The following MC3R variants were observed in gnomAD, a reference collection of about 807,000 sequenced individuals.
The protein encoded by MC3R is melanocortin receptor 3.
MC3R carries 12 observed loss-of-function variants against 14.0 expected under a neutral mutation model. The observed-to-expected ratio is 0.86, with a 90% CI of 0.55 to 1.39. The LOEUF (loss-of-function observed/expected upper bound fraction) is 1.39. Ranked by LOEUF, MC3R falls within the 40% of genes most tolerant of loss-of-function variation. The probability of loss-of-function intolerance (pLI) is 0.00; values close to 1 mark genes in which losing one functional copy is unlikely to be tolerated. For missense variants in MC3R, 432 were observed against 433.6 expected (o/e 1.00, Z 0.03); for synonymous variants, 174 against 180.5 (o/e 0.96, Z 0.29).
Position 56,249,566 on chromosome 20 carries a change from A to G in MC3R, c.723A>G (p.Ala241=). The G allele has an allele frequency of 6.2e-7, 1 of 1,613,556 alleles. No individual in the cohort carries two copies. Among genetic ancestry groups the G allele is most frequent in the Non-Finnish European group, 8.5e-7 (1 of 1,179,484 alleles). ...APQQHSCMKG[A]VTITILLGVF... ...AGCAACACTCATGCATGAAGGGGGC[A>G]GTCACCATCACCATTCTCCTGGGCG... Residue 241 remains alanine (A), a synonymous_variant, in exon 1 of 1, where the codon GCA becomes GCG. Transcript: ENST00000243911.
Position 56,248,864 on chromosome 20 carries a change from G to T in MC3R, c.21G>T (p.Leu7=). ...CAGCAATGAATGCTTCGTGCTGCCT[G>T]CCCTCTGTTCAGCCAACACTGCCTA... MNASCC[L]PSVQPTLPNG... The change falls in exon 1 of 1, where the codon CTG becomes CTT. Residue 7 remains leucine (L), a synonymous_variant. Transcript: ENST00000243911. The T allele has an allele frequency of 6.2e-7, 1 of 1,614,122 alleles. No individual in the cohort carries two copies.
In MC3R at chr20:56,249,043, G is replaced by A. The variant is rs1199084897; in HGVS notation, c.200G>A (p.Gly67Asp). Residue 67 changes from glycine to aspartate, a missense_variant, in exon 1 of 1, where the codon GGC becomes GAC. Gly to Asp is a moderately conservative substitution (Grantham distance 94, BLOSUM62 -1). Transcript: ENST00000243911. ...GTTATCCTGGCCGTGGTCAGGAACG[G>A]CAACCTGCACTCCCCGATGTACTTC... ...ILVILAVVRN[G>D]NLHSPMYFFL... 1.6e-5 allele frequency: 26 copies of A among 1,614,050 alleles called. No homozygotes were observed. The highest frequency in any genetic ancestry group is 2.2e-5 in the Non-Finnish European group (26 of 1,180,024).
chr20:56,248,915 T>C lies in MC3R; in HGVS notation c.72T>C (p.Pro24=), dbSNP rs926053119. The change falls in exon 1 of 1, where the codon CCT becomes CCC. Residue 24 remains proline (P), a synonymous_variant. Coordinates refer to ENST00000243911, the MANE Select transcript of MC3R (RefSeq NM_019888.3). ...ATGGCTCGGAGCACCTCCAAGCCCCTTTCTTCAGCAACCAGAGCAGCAGCG... is the reference window on the plus strand; with the variant it reads ...ATGGCTCGGAGCACCTCCAAGCCCCCTTCTTCAGCAACCAGAGCAGCAGCG... ...LPNGSEHLQA[P]FFSNQSSSAF... 1.2e-6 allele frequency: 2 copies of C among 1,614,068 alleles called. No individual in the cohort carries two copies. The highest frequency in any genetic ancestry group is 2.7e-5 in the African/African-American group (2 of 74,938).
chr20:56,248,796 C>T lies in MC3R; in HGVS notation c.-48C>T. On this transcript the variant is annotated 5_prime_UTR_variant, in exon 1 of 1. Transcript: ENST00000243911. ...CTTTCCTGTGAGCAGCAGCAGCTTCCTACGGACCCTGCTGGAGCCCCAGCT... is the reference window on the plus strand; with the variant it reads ...CTTTCCTGTGAGCAGCAGCAGCTTCTTACGGACCCTGCTGGAGCCCCAGCT... The T allele has an allele frequency of 4.3e-6, 7 of 1,613,884 alleles. No individual in the cohort carries two copies. Among genetic ancestry groups the T allele is most frequent in the Non-Finnish European group, 4.2e-6 (5 of 1,179,758 alleles).
chr20:56,248,799 C>G lies in MC3R; in HGVS notation c.-45C>G. 6.2e-7 allele frequency: 1 copy of G among 1,612,152 alleles called. No homozygotes were observed. The highest frequency in any genetic ancestry group is 8.5e-7 in the Non-Finnish European group (1 of 1,178,208). On this transcript the variant is annotated 5_prime_UTR_variant, in exon 1 of 1. Coordinates refer to ENST00000243911, the MANE Select transcript of MC3R (RefSeq NM_019888.3). ...TCCTGTGAGCAGCAGCAGCTTCCTA[C>G]GGACCCTGCTGGAGCCCCAGCTCGG...
chr20:56,249,501 C>A lies in MC3R; in HGVS notation c.658C>A (p.Arg220Ser), dbSNP rs61735259. The A allele has an allele frequency of 1.8e-3, 2,909 of 1,614,162 alleles. 8 individuals carry two copies. Among genetic ancestry groups the A allele is most frequent in the Admixed American group, 4.8e-3 (286 of 60,032 alleles). The change falls in exon 1 of 1, where the codon CGC becomes AGC. Residue 220 changes from arginine to serine, a missense_variant. Arg to Ser is a moderately radical substitution (Grantham distance 110). Coordinates refer to ENST00000243911, the MANE Select transcript of MC3R (RefSeq NM_019888.3). ...CCTCTTTGCGCGGCTGCACGTCAAG[C>A]GCATAGCAGCACTGCCACCTGCCGA... ...MFLFARLHVK[R>S]IAALPPADGV...
In MC3R at chr20:56,248,915, T is replaced by A; in HGVS notation, c.72T>A (p.Pro24=). The change falls in exon 1 of 1, where the codon CCT becomes CCA. Residue 24 remains proline, a synonymous_variant. Transcript: ENST00000243911. Reference sequence around the variant, plus strand: ...ATGGCTCGGAGCACCTCCAAGCCCCTTTCTTCAGCAACCAGAGCAGCAGCG... The same window carrying A: ...ATGGCTCGGAGCACCTCCAAGCCCCATTCTTCAGCAACCAGAGCAGCAGCG... The part of the protein sequence containing the change: ...LPNGSEHLQA[P]FFSNQSSSAF... 6.2e-7 allele frequency: 1 copy of A among 1,614,186 alleles called. No individual in the cohort carries two copies. The highest frequency in any genetic ancestry group is 8.5e-7 in the Non-Finnish European group (1 of 1,180,026).
rs769070932 is a variant in MC3R, at chr20:56,249,155, C to G, written c.312C>G (p.Asp104Glu). The change falls in exon 1 of 1, where the codon GAC becomes GAG. Residue 104 changes from aspartate to glutamate, a missense_variant. Transcript: ENST00000243911. ...ETIMIAIVHS[D>E]YLTFEDQFIQ... ...TCATGATCGCCATCGTCCACAGCGA[C>G]TACCTGACCTTCGAGGACCAGTTTA... 5.0e-6 allele frequency: 8 copies of G among 1,614,014 alleles called. No homozygotes were observed. In the East Asian group the frequency reaches 1.6e-4, roughly 31 times the overall value.
Position 56,248,891 on chromosome 20 carries a change from T to C in MC3R, c.48T>C (p.Asn16=), listed in dbSNP as rs1239643021. Residue 16 remains asparagine, a synonymous_variant, in exon 1 of 1, where the codon AAT becomes AAC. Coordinates refer to ENST00000243911, the MANE Select transcript of MC3R (RefSeq NM_019888.3). ...CCTCTGTTCAGCCAACACTGCCTAA[T>C]GGCTCGGAGCACCTCCAAGCCCCTT... ...CLPSVQPTLP[N]GSEHLQAPFF... 8 of 1,614,070 alleles carry C rather than the reference T, an allele frequency of 5.0e-6. No individual in the cohort carries two copies. The highest frequency in any genetic ancestry group is 4.5e-5 in the East Asian group (2 of 44,892).
At position 56,249,398 on chromosome 20, in the gene MC3R, C is replaced by T. The variant is rs772955913; in HGVS notation, c.555C>T (p.Ser185=). The T allele has an allele frequency of 9.9e-6, 16 of 1,614,026 alleles. No homozygotes were observed. Among genetic ancestry groups the T allele is most frequent in the Admixed American group, 3.3e-5 (2 of 60,012 alleles). Residue 185 remains serine (S), a synonymous_variant, in exon 1 of 1, where the codon AGC becomes AGT. Coordinates refer to ENST00000243911, the MANE Select transcript of MC3R (RefSeq NM_019888.3). Reference sequence around the variant, plus strand: ...TGGTGTTCATCGTCTACTCGGAGAGCAAAATGGTCATTGTGTGCCTCATCA... The same window carrying T: ...TGGTGTTCATCGTCTACTCGGAGAGTAAAATGGTCATTGTGTGCCTCATCA... ...CGVVFIVYSE[S]KMVIVCLITM...
chr20:56,249,797 CG>C lies in MC3R; in HGVS notation c.956del (p.Gly319AlafsTer2), dbSNP rs1174945045. 1 of 1,613,928 alleles carries C rather than the reference CG, an allele frequency of 6.2e-7. No homozygotes were observed. The highest frequency in any genetic ancestry group is 8.5e-7 in the Non-Finnish European group (1 of 1,180,044). On this transcript the variant is annotated frameshift_variant, in exon 1 of 1. Transcript: ENST00000243911. LOFTEE classifies it high-confidence loss of function. ...TFREILCGCN[G>X]MNLG ...TTAGGGAGATTCTCTGTGGCTGCAA[CG>C]GCATGAACTTGGGATAGGATGCAGG...
Position 56,249,477 on chromosome 20 carries a change from C to T in MC3R, c.634C>T (p.Leu212Phe), listed in dbSNP as rs61735256. The change falls in exon 1 of 1, where the codon CTC (leucine) becomes TTC (phenylalanine). Residue 212 changes from leucine (L) to phenylalanine (F), a missense_variant. Leu to Phe is a conservative substitution (Grantham distance 22). Coordinates refer to ENST00000243911, the MANE Select transcript of MC3R (RefSeq NM_019888.3). The stretch of plus-strand genomic sequence containing the variant: ...GGGCACCCTCTACGTGCACATGTTC[C>T]TCTTTGCGCGGCTGCACGTCAAGCG... The part of the protein sequence containing the change: ...LMGTLYVHMF[L>F]FARLHVKRIA... 94 of 1,614,156 alleles carry T rather than the reference C, an allele frequency of 5.8e-5. No individual in the cohort carries two copies. The East Asian group carries it at 7.1e-4, about 12-fold the overall frequency.
In MC3R at chr20:56,248,767, T is replaced by A; in HGVS notation, c.-77T>A. 6.4e-7 allele frequency: 1 copy of A among 1,565,636 alleles called. No homozygotes were observed. Among genetic ancestry groups the A allele is most frequent in the Non-Finnish European group, 8.8e-7 (1 of 1,136,004 alleles). On this transcript the variant is annotated 5_prime_UTR_variant, in exon 1 of 1. In the 5' UTR this introduces an upstream ATG that the reference lacks. Transcript: ENST00000243911. ...CAAAAGACGTATCTGGAGGGAGATT[T>A]TGTCTTTCCTGTGAGCAGCAGCAGC...
At position 56,249,050 on chromosome 20, in the gene MC3R, G is replaced by A; in HGVS notation, c.207G>A (p.Leu69=). The A allele has an allele frequency of 1.9e-6, 3 of 1,614,218 alleles. No individual in the cohort carries two copies. The highest frequency in any genetic ancestry group is 2.5e-6 in the Non-Finnish European group (3 of 1,180,040). ...TGGCCGTGGTCAGGAACGGCAACCT[G>A]CACTCCCCGATGTACTTCTTTCTCT... The part of the protein sequence containing the change: ...VILAVVRNGN[L]HSPMYFFLCS... The change falls in exon 1 of 1, where the codon CTG becomes CTA. Residue 69 remains leucine, a synonymous_variant. Coordinates refer to ENST00000243911, the MANE Select transcript of MC3R (RefSeq NM_019888.3).
rs748895410 is a variant in MC3R at position 56,249,137 on chromosome 20, C to A, written c.294C>A (p.Ile98=). 3.1e-6 allele frequency: 5 copies of A among 1,614,138 alleles called. No homozygotes were observed. The highest frequency in any genetic ancestry group is 1.6e-4 in the Middle Eastern group (1 of 6,062). Reference sequence around the variant, plus strand: ...CCAATGCCCTGGAGACCATCATGATCGCCATCGTCCACAGCGACTACCTGA... The same window carrying A: ...CCAATGCCCTGGAGACCATCATGATAGCCATCGTCCACAGCGACTACCTGA... ...SVSNALETIM[I]AIVHSDYLTF... The change falls in exon 1 of 1, where the codon ATC becomes ATA. Residue 98 remains isoleucine (I), a synonymous_variant. Transcript: ENST00000243911.
At position 56,249,471 on chromosome 20, in the gene MC3R, A is replaced by G. The variant is rs748143596; in HGVS notation, c.628A>G (p.Met210Val). ...MLLMGTLYVH[M>V]FLFARLHVKR... Reference sequence around the variant, plus strand: ...CCTCATGGGCACCCTCTACGTGCACATGTTCCTCTTTGCGCGGCTGCACGT... The same window carrying G: ...CCTCATGGGCACCCTCTACGTGCACGTGTTCCTCTTTGCGCGGCTGCACGT... The change falls in exon 1 of 1, where the codon ATG (methionine) becomes GTG (valine). Residue 210 changes from methionine to valine, a missense_variant. By Grantham distance (21) the Met-to-Val change is conservative. Transcript: ENST00000243911. 5 of 1,613,912 alleles carry G rather than the reference A, an allele frequency of 3.1e-6. No homozygotes were observed. The East Asian group carries it at 1.1e-4, about 36-fold the overall frequency.
Sources: gnomAD v4.1 joint callset for allele counts on GRCh38, gnomAD v4.1.1 for gene constraint, MANE v1.5 for transcripts, NCBI Gene and HGNC (gene_info 2026-07-23, HGNC 2026-07-21) for gene names.